NRG3: variants seen among roughly 807,000 people sequenced by gnomAD.
The protein encoded by NRG3 is pro-neuregulin-3, membrane-bound isoform.
NRG3 carries 31 observed loss-of-function variants against 66.9 expected under a neutral mutation model. The ratio of observed to expected loss-of-function variants is 0.46; its 90% confidence interval spans 0.35 to 0.63. The LOEUF (loss-of-function observed/expected upper bound fraction) is 0.63. Among genes scored for constraint, NRG3 ranks in the 20% least tolerant of loss-of-function variants. The pLI, the probability that NRG3 is intolerant of heterozygous loss-of-function variation, is 0.00. For missense variants in NRG3, 910 were observed against 878.9 expected (o/e 1.04, Z -0.45); for synonymous variants, 393 against 359.4 (o/e 1.09, Z -1.06).
At chr10:82,739,502 G>T (rs1035656988) in intron 3 of NRG3, among the ~76,000 whole-genome samples, 7 of 152,138 alleles carry the variant, frequency 4.6e-5, no homozygotes, top group African/African-American at 1.2e-4. Context: ...TAAATATTTT[G>T]TACTGACTAA....
At chr10:82,659,585 A>C (rs1168128702) in intron 2 of NRG3, among the ~76,000 whole-genome samples, 1 of 152,182 alleles carries the variant, frequency 6.6e-6, no homozygotes, top group Admixed American at 6.5e-5. Flanking sequence ...TGAAGGTTGC[A>C]GAGAGCCAAG....
chr10:82,855,844 T>A (rs1411853995), intron 3 of NRG3, among the ~76,000 whole-genome samples: 1 of 152,178 alleles, frequency 6.6e-6, no homozygotes, highest in East Asian at 1.9e-4. Context: ...TGATAGCATT[T>A]TAGTGACCAT....
chr10:82,806,964 A>C (rs1212268570), intron 3 of NRG3, among the ~76,000 whole-genome samples: 1 of 152,190 alleles, frequency 6.6e-6, no homozygotes, highest in East Asian at 1.9e-4. Flanking sequence ...TTAAAGACTC[A>C]CACTATATTT....
At chr10:82,905,849 G>A (rs1279652752) in intron 4 of NRG3, among the ~76,000 whole-genome samples, 2 of 152,102 alleles carry the variant, frequency 1.3e-5, no homozygotes. Context: ...CCCTATCCAA[G>A]ATATTAACAA....
At chr10:82,980,774 A>G (rs1353760746) in intron 8 of NRG3, among the ~76,000 whole-genome samples, 1 of 152,216 alleles carries the variant, frequency 6.6e-6, no homozygotes, top group Non-Finnish European at 1.5e-5. Flanking sequence ...CAAAGTAAAC[A>G]TAACAGCCAA....
At chr10:82,099,788 T>C (rs927904752) in intron 1 of NRG3, among the ~76,000 whole-genome samples, 1 of 151,662 alleles carries the variant, frequency 6.6e-6, no homozygotes, top group South Asian at 2.1e-4. Context: ...ATGGCAAGAC[T>C]TCCTCTCTAC....
At chr10:82,859,931 A>G (rs1288126608) in intron 3 of NRG3, among the ~76,000 whole-genome samples, 1 of 152,192 alleles carries the variant, frequency 6.6e-6, no homozygotes, top group African/African-American at 2.4e-5. Flanking sequence ...GTGTTAAAAA[A>G]AAACATTCAT....
intron 2 of NRG3, among the ~76,000 whole-genome samples, chr10:82,515,267 A>G (rs539677524): frequency 1.3e-5 from 2 of 152,354 alleles, no homozygotes; most frequent in South Asian, 4.1e-4. Context: ...CAACAACAAC[A>G]CGCACAAAAT....
intron 1 of NRG3, among the ~76,000 whole-genome samples, chr10:81,917,793 T>A (rs1204503712): frequency 3.3e-5 from 5 of 152,220 alleles, no homozygotes; most frequent in Non-Finnish European, 5.9e-5. Flanking sequence ...CCCTCCAAGC[T>A]GTACTTGACA....
chr10:82,202,814 A>C (rs2074914840), intron 1 of NRG3, among the ~76,000 whole-genome samples: 3 of 152,178 alleles, frequency 2.0e-5, no homozygotes, highest in Non-Finnish European at 4.4e-5. Flanking sequence ...GTCTTGTAAA[A>C]GGAGGGACGT....
At chr10:82,803,087 T>A (rs1216020759) in intron 3 of NRG3, among the ~76,000 whole-genome samples, 1 of 152,206 alleles carries the variant, frequency 6.6e-6, no homozygotes, top group Non-Finnish European at 1.5e-5. Context: ...AGAAACCGTC[T>A]GAGGCTATGT....
intron 4 of NRG3, among the ~76,000 whole-genome samples, chr10:82,934,474 T>C (rs1215500485): frequency 1.3e-5 from 2 of 152,204 alleles, no homozygotes; most frequent in African/African-American, 2.4e-5. Context: ...TACTAATTAT[T>C]GGAGTAGCAG....
intron 1 of NRG3, among the ~76,000 whole-genome samples, chr10:82,047,795 C>G (rs1248444195): frequency 1.3e-5 from 2 of 151,978 alleles, no homozygotes; most frequent in Non-Finnish European, 2.9e-5. Flanking sequence ...AATTAAAAGA[C>G]ACAGACTGGC....
intron 1 of NRG3, among the ~76,000 whole-genome samples, chr10:82,151,516 G>A (rs149463379): frequency 6.6e-6 from 1 of 152,238 alleles, no homozygotes; most frequent in East Asian, 1.9e-4. Flanking sequence ...GGTTTCCTCT[G>A]TCTGTCCTTC....
chr10:82,523,027 C>T (rs906621147), intron 2 of NRG3, among the ~76,000 whole-genome samples: 2 of 152,186 alleles, frequency 1.3e-5, no homozygotes, highest in Non-Finnish European at 2.9e-5. Context: ...GAACTGTGTA[C>T]ACCTTTGTGA....
chr10:82,347,056 C>T (rs1448783466), intron 1 of NRG3, among the ~76,000 whole-genome samples: 1 of 150,978 alleles, frequency 6.6e-6, no homozygotes, highest in South Asian at 2.1e-4. Context: ...TTTTTTGTGT[C>T]TCTATTTCCT....
intron 1 of NRG3, among the ~76,000 whole-genome samples, chr10:81,971,047 G>C (rs1445557196): frequency 6.6e-6 from 1 of 152,200 alleles, no homozygotes; most frequent in East Asian, 1.9e-4. Flanking sequence ...GGCTGAGATA[G>C]GAGAATCGCT....
chr10:82,451,633 A>G (rs552804059), intron 2 of NRG3, among the ~76,000 whole-genome samples: 7 of 152,134 alleles, frequency 4.6e-5, no homozygotes, highest in Non-Finnish European at 1.0e-4. Flanking sequence ...TGTAAATAAA[A>G]TCAATAACAG....
rs960623829 is a variant in NRG3, at chr10:82,845,534, CA to C, written c.1028-19867del. 2.7e-3 allele frequency among the ~76,000 whole-genome samples: 322 copies of C among 121,234 alleles called. 1 individual carries two copies. Among genetic ancestry groups the C allele is most frequent in the Non-Finnish European group, 3.9e-3 (218 of 56,162 alleles). The allele number at this position is 121,234 out of a possible 152,430, so 79.5% of individuals were successfully genotyped here. ...GGGATTAAAAACATGCCTGGGCAGG[CA>C]AAAAAAAAAGGGTGTAGATGTTAAA... On this transcript the variant is annotated intron_variant, in intron 3 of 8. Coordinates refer to ENST00000372141, the MANE Select transcript of NRG3 (RefSeq NM_001010848.4).
Sources: gnomAD v4.1 joint callset for allele counts (sites outside exome capture counted in the v4.1 genomes callset) on GRCh38, gnomAD v4.1.1 for gene constraint, MANE v1.5 for transcripts, NCBI Gene and HGNC (gene_info 2026-07-23, HGNC 2026-07-21) for gene names.